The following CNTNAP5 variants were observed in gnomAD, a reference collection of about 807,000 sequenced individuals.
The protein encoded by CNTNAP5 is contactin-associated protein-like 5.
In CNTNAP5, 72 loss-of-function variants were observed where a neutral mutation model predicts 150.2. The observed-to-expected ratio is 0.48, with a 90% CI of 0.40 to 0.58. The LOEUF (loss-of-function observed/expected upper bound fraction) is 0.58, where lower values mean the gene tolerates loss of function less well. CNTNAP5 is among the 20% of genes least tolerant of loss of function. The probability of loss-of-function intolerance (pLI) is 0.00; values close to 1 mark genes in which losing one functional copy is unlikely to be tolerated. For missense variants in CNTNAP5, 1,636 were observed against 1,626.2 expected (o/e 1.01, Z -0.10); for synonymous variants, 672 against 619.8 (o/e 1.08, Z -1.25).
chr2:124,615,052 C>A (rs1381745955), intron 12 of CNTNAP5, among the ~76,000 whole-genome samples: 1 of 152,094 alleles, frequency 6.6e-6, no homozygotes, highest in Non-Finnish European at 1.5e-5. Context: ...ATGCTAACAA[C>A]CTTCTGAGCC....
Position 124,903,078 on chromosome 2 carries a change from G to A in CNTNAP5, c.3633G>A (p.Val1211=), listed in dbSNP as rs922691146. 6.3e-7 allele frequency: 1 copy of A among 1,585,030 alleles called. No individual in the cohort carries two copies. The highest frequency in any genetic ancestry group is 8.6e-7 in the Non-Finnish European group (1 of 1,163,978). ...TGGTGGACTCAGATGTGAATGCAGT[G>A]ACCACGGTGCATTCTTCATCAGGTA... ...GFMVDSDVNA[V]TTVHSSSDPF... is the part of the protein sequence containing the mutation. The change falls in exon 22 of 24, where the codon GTG becomes GTA. Residue 1211 remains valine (V), a synonymous_variant. Coordinates refer to ENST00000682447, the MANE Select transcript of CNTNAP5 (RefSeq NM_001367498.1).
At chr2:124,268,190 C>T (rs1687660401) in intron 3 of CNTNAP5, among the ~76,000 whole-genome samples, 1 of 152,080 alleles carries the variant, frequency 6.6e-6, no homozygotes, top group African/African-American at 2.4e-5. Context: ...AGAGAACTGC[C>T]ATTTAAAAGA....
At chr2:124,579,238 A>G (rs4564778) in intron 11 of CNTNAP5, among the ~76,000 whole-genome samples, 1 of 152,198 alleles carries the variant, frequency 6.6e-6, no homozygotes, top group African/African-American at 2.4e-5. Context: ...AAATGAGGCA[A>G]TGATTAGAAA....
intron 11 of CNTNAP5, among the ~76,000 whole-genome samples, chr2:124,587,866 A>G (rs1696572986): frequency 6.6e-6 from 1 of 152,244 alleles, no homozygotes; most frequent in Non-Finnish European, 1.5e-5. Flanking sequence ...CCCCTAAAAA[A>G]AAGTAAGATT....
chr2:124,874,609 T>A (rs1224806212), intron 21 of CNTNAP5, among the ~76,000 whole-genome samples: 2 of 152,062 alleles, frequency 1.3e-5, no homozygotes, highest in Admixed American at 1.3e-4. Context: ...AAACTACTAT[T>A]GTTTGGTGAA....
At chr2:124,230,453 A>G (rs905748335) in intron 2 of CNTNAP5, among the ~76,000 whole-genome samples, 12 of 151,812 alleles carry the variant, frequency 7.9e-5, no homozygotes, top group Middle Eastern at 3.4e-3. Flanking sequence ...CATAGAATAT[A>G]TATCTAATCT....
In CNTNAP5 at chr2:124,789,960, T is replaced by G. The variant is rs1158733022; in HGVS notation, c.2811T>G (p.Asn937Lys). ...GATGCATTCGCTCCTTACACTTGAATGGACAGAAAATGGACCTGGAAGAGA... is the reference window on the plus strand; with the variant it reads ...GATGCATTCGCTCCTTACACTTGAAGGGACAGAAAATGGACCTGGAAGAGA... ...FLGCIRSLHLNGQKMDLEERA... is the reference protein window; with the variant it reads ...FLGCIRSLHLKGQKMDLEERA... Residue 937 changes from asparagine to lysine, a missense_variant, in exon 18 of 24, where the codon AAT becomes AAG. Transcript: ENST00000682447. 1 of 1,613,928 alleles carries G rather than the reference T, an allele frequency of 6.2e-7. No homozygotes were observed. The highest frequency in any genetic ancestry group is 8.5e-7 in the Non-Finnish European group (1 of 1,179,838).
intron 3 of CNTNAP5, among the ~76,000 whole-genome samples, chr2:124,396,188 C>T (rs1215516052): frequency 6.6e-6 from 1 of 152,150 alleles, no homozygotes; most frequent in Non-Finnish European, 1.5e-5. Flanking sequence ...CAAACATTGT[C>T]AACAATGAGA....
At chr2:124,101,976 T>C (rs1444741939) in intron 1 of CNTNAP5, among the ~76,000 whole-genome samples, 1 of 152,002 alleles carries the variant, frequency 6.6e-6, no homozygotes, top group East Asian at 1.9e-4. Context: ...GCTGGTGGGG[T>C]TGCTGACAGC....
chr2:124,731,303 T>C (rs1358538156), intron 13 of CNTNAP5, among the ~76,000 whole-genome samples: 1 of 152,166 alleles, frequency 6.6e-6, no homozygotes, highest in Non-Finnish European at 1.5e-5. Flanking sequence ...TGCATGTAGG[T>C]ATTTATTTAA....
intron 3 of CNTNAP5, among the ~76,000 whole-genome samples, chr2:124,309,703 C>T (rs1688777140): frequency 6.6e-6 from 1 of 152,156 alleles, no homozygotes. Context: ...GGTGCCTCCC[C>T]TGAGGATATG....
intron 6 of CNTNAP5, among the ~76,000 whole-genome samples, chr2:124,461,772 G>T (rs1047524690): frequency 6.6e-6 from 1 of 150,952 alleles, no homozygotes; most frequent in South Asian, 2.1e-4. Context: ...CAGGAGAATC[G>T]CTGGAAACCA....
At chr2:124,613,719 GTC>G (rs1222592780) in intron 12 of CNTNAP5, among the ~76,000 whole-genome samples, 2 of 152,180 alleles carry the variant, frequency 1.3e-5, no homozygotes, top group Non-Finnish European at 2.9e-5. Context: ...GGAGATGTAA[GTC>G]TGTGCATCTC....
intron 13 of CNTNAP5, among the ~76,000 whole-genome samples, chr2:124,736,742 T>C (rs1226248931): frequency 6.6e-6 from 1 of 152,214 alleles, no homozygotes; most frequent in African/African-American, 2.4e-5. Context: ...TAATCATATA[T>C]ATTTCTGCAA....
At chr2:124,388,957 G>A (rs1481982978) in intron 3 of CNTNAP5, among the ~76,000 whole-genome samples, 2 of 152,148 alleles carry the variant, frequency 1.3e-5, no homozygotes, top group South Asian at 2.1e-4. Context: ...TGGACACAAA[G>A]AAAGACTTAA....
intron 3 of CNTNAP5, among the ~76,000 whole-genome samples, chr2:124,365,231 G>T (rs557961523): frequency 2.6e-5 from 4 of 151,628 alleles, no homozygotes; most frequent in African/African-American, 9.7e-5. Flanking sequence ...TGGGAGGTCC[G>T]CTTGAGCCTA....
At chr2:124,491,836 T>G (rs1341994190) in intron 7 of CNTNAP5, among the ~76,000 whole-genome samples, 1 of 152,104 alleles carries the variant, frequency 6.6e-6, no homozygotes, top group Non-Finnish European at 1.5e-5. Flanking sequence ...CATTGTGGTT[T>G]GGATTTGCAT....
At position 124,240,793 on chromosome 2, in the gene CNTNAP5, A is replaced by G. The variant is rs1052109269; in HGVS notation, c.188-1407A>G. On this transcript the variant is annotated intron_variant, in intron 2 of 23. Transcript: ENST00000682447. Reference sequence around the variant, plus strand: ...CTATTTTTCCATCCTTAAAGACAGAATAGGATTGGCTTTATGCCCTCTATC... The same window carrying G: ...CTATTTTTCCATCCTTAAAGACAGAGTAGGATTGGCTTTATGCCCTCTATC... Among the ~76,000 whole-genome samples, 6 of 152,294 alleles carry G rather than the reference A, an allele frequency of 3.9e-5. No homozygotes were observed. In the East Asian group the frequency reaches 1.2e-3, roughly 29 times the overall value.
intron 1 of CNTNAP5, among the ~76,000 whole-genome samples, chr2:124,058,338 C>T (rs777920949): frequency 6.6e-6 from 1 of 152,162 alleles, no homozygotes; most frequent in Non-Finnish European, 1.5e-5. Context: ...GATTCTCATG[C>T]CTGTTGCAGG....
Sources: allele counts gnomAD v4.1 joint callset (sites outside exome capture counted in the v4.1 genomes callset), GRCh38; gene constraint gnomAD v4.1.1; transcripts MANE v1.5; gene names NCBI Gene and HGNC (gene_info 2026-07-23, HGNC 2026-07-21).